MFSD1: variants seen among roughly 807,000 people sequenced by gnomAD.
MFSD1 encodes lysosomal dipeptide transporter MFSD1.
MFSD1 carries 59 observed loss-of-function variants against 67.1 expected under a neutral mutation model. The observed-to-expected ratio is 0.88, with a 90% CI of 0.71 to 1.09. MFSD1 has a LOEUF of 1.09. Ranked by LOEUF, MFSD1 falls within the 50% of genes least tolerant of loss-of-function variation. The pLI is 0.00. For synonymous variants in MFSD1, 213 were observed against 200.3 expected (o/e 1.06, Z -0.54); for missense variants, 552 against 566.1 (o/e 0.97, Z 0.25).
rs1245996665 is a variant in MFSD1 at position 158,819,632 on chromosome 3, T to C, written c.653-17T>C. On this transcript the variant is annotated splice_polypyrimidine_tract_variant and intron_variant, in intron 7 of 15. Transcript: ENST00000415822. Reference sequence around the variant, plus strand: ...CTTTTCAAAGTCTGTTTTTCTTTTTTTTTTTTTTTTATTTAGGGGGTATAA... The same window carrying C: ...CTTTTCAAAGTCTGTTTTTCTTTTTCTTTTTTTTTTATTTAGGGGGTATAA... The C allele has an allele frequency of 8.5e-5, 70 of 820,008 alleles. No homozygotes were observed. Among genetic ancestry groups the C allele is most frequent in the South Asian group, 2.5e-4 (12 of 47,812 alleles). 50.8% of individuals were successfully genotyped at this position (820,008 alleles called of 1,614,324 possible).
At chr3:158,816,105 A>G (rs1730325430) in intron 7 of MFSD1, among the ~76,000 whole-genome samples, 1 of 152,028 alleles carries the variant, frequency 6.6e-6, no homozygotes, top group South Asian at 2.1e-4. Context: ...ATAGTGCCGC[A>G]ATAAACATAC....
intron 4 of MFSD1, 90 bp from the exon 5 acceptor site, chr3:158,807,306 A>T: frequency 9.4e-7 from 1 of 1,068,378 alleles, no homozygotes. Context: ...AAACTATTGT[A>T]GAAGTTGAGA....
At position 158,829,002 on chromosome 3, in the gene MFSD1, C is replaced by A; in HGVS notation, c.*20C>A. 1.2e-6 allele frequency: 2 copies of A among 1,603,548 alleles called. No homozygotes were observed. The highest frequency in any genetic ancestry group is 2.3e-5 in the South Asian group (2 of 88,726). ...AGATGAGAAGTTAAAATGAATGTGT[C>A]ATGAGAATGGGCTTAACACATCGTT... is the stretch of plus-strand genomic sequence containing the variant. On this transcript the variant is annotated 3_prime_UTR_variant, in exon 16 of 16. Transcript: ENST00000415822.
chr3:158,827,581 ATTT>A (rs544766162), intron 15 of MFSD1, among the ~76,000 whole-genome samples: 64 of 151,858 alleles, frequency 4.2e-4, no homozygotes, highest in Middle Eastern at 6.8e-3. Flanking sequence ...TGTCTGGCTA[ATTT>A]TTTGTATTTT....
chr3:158,825,390 C>T (rs927890311), intron 13 of MFSD1: 1 of 152,204 alleles, frequency 6.6e-6, no homozygotes, highest in Non-Finnish European at 1.5e-5. Flanking sequence ...GAACTCCTGG[C>T]CTCAAGCGCT....
At chr3:158,814,132 A>G in intron 7 of MFSD1, 65 bp downstream of exon 7, 2 of 1,237,808 alleles carry the variant, frequency 1.6e-6, no homozygotes, top group Non-Finnish European at 2.4e-6. Flanking sequence ...GTATCATAGC[A>G]GGGAGGAAGG....
Position 158,803,124 on chromosome 3 carries a change from C to T in MFSD1, c.163+809C>T, listed in dbSNP as rs143202937. 2.0e-5 allele frequency among the ~76,000 whole-genome samples: 3 copies of T among 152,138 alleles called. No homozygotes were observed. The East Asian group carries it at 5.8e-4, about 29-fold the overall frequency. Reference sequence around the variant, plus strand: ...TTTCTCTTATGAAATCTGATGTCTCCGAAAACAGTTTCTTGATAATTAGAA... The same window carrying T: ...TTTCTCTTATGAAATCTGATGTCTCTGAAAACAGTTTCTTGATAATTAGAA... On this transcript the variant is annotated intron_variant, in intron 1 of 15. Transcript: ENST00000415822.
At chr3:158,806,404 T>C (rs1729729950) in intron 3 of MFSD1, among the ~76,000 whole-genome samples, 1 of 152,180 alleles carries the variant, frequency 6.6e-6, no homozygotes, top group South Asian at 2.1e-4. Flanking sequence ...GAACATTCAG[T>C]AGAACATGGC....
intron 2 of MFSD1, among the ~76,000 whole-genome samples, chr3:158,804,623 C>T (rs924954476): frequency 5.3e-5 from 8 of 152,190 alleles, no homozygotes; most frequent in Admixed American, 4.6e-4. Flanking sequence ...GGTATTTCCA[C>T]AGTATTGTCA....
chr3:158,819,768 G>A lies in MFSD1; in HGVS notation c.751+21G>A, dbSNP rs373008727. 4.4e-6 allele frequency: 6 copies of A among 1,353,812 alleles called. No individual in the cohort carries two copies. The African/African-American group carries it at 7.3e-5, about 16-fold the overall frequency. 83.9% of individuals were successfully genotyped at this position (1,353,812 alleles called of 1,614,324 possible). On this transcript the variant is annotated intron_variant, in intron 8 of 15. Transcript: ENST00000415822. The stretch of plus-strand genomic sequence containing the variant: ...AACAGGTAAGTCTAAATGAAAGAAT[G>A]GGACTTAGGGGAATTACGGCCTTTG...
intron 13 of MFSD1, chr3:158,825,165 A>G (rs1730899721): frequency 6.6e-6 from 1 of 152,000 alleles, no homozygotes; most frequent in Admixed American, 6.6e-5. Flanking sequence ...TTTTATTATT[A>G]TTACTTTTTT....
chr3:158,825,929 C>T, intron 13 of MFSD1, 86 bp from the exon 14 acceptor site: 1 of 1,044,188 alleles, frequency 9.6e-7, no homozygotes, highest in Non-Finnish European at 1.5e-6. Context: ...TTGATTGTGT[C>T]TAAGCTTTGC....
intron 15 of MFSD1, among the ~76,000 whole-genome samples, chr3:158,827,651 A>G (rs554405504): frequency 3.2e-4 from 48 of 152,016 alleles, no homozygotes; most frequent in African/African-American, 1.1e-3. Flanking sequence ...CCTGGGCTCA[A>G]GTGATCTGCC....
intron 12 of MFSD1, 146 bp downstream of exon 12, chr3:158,823,671 A>G: frequency 1.4e-6 from 1 of 699,774 alleles, no homozygotes; most frequent in Non-Finnish European, 2.5e-6. Flanking sequence ...CAGTAAATCT[A>G]TTTAAGATAC....
chr3:158,818,335 G>C (rs993365557), intron 7 of MFSD1, among the ~76,000 whole-genome samples: 1 of 151,958 alleles, frequency 6.6e-6, no homozygotes, highest in African/African-American at 2.4e-5. Context: ...CACCTCATGC[G>C]TCTATCACTT....
At position 158,819,657 on chromosome 3, in the gene MFSD1, A is replaced by G. The variant is rs1413628594; in HGVS notation, c.661A>G (p.Thr221Ala). The change falls in exon 8 of 16, where the codon ACG becomes GCG. Residue 221 changes from threonine (T) to alanine (A), a missense_variant. Physicochemically the swap from Thr to Ala is moderately conservative, Grantham distance 58. Coordinates refer to ENST00000415822, the MANE Select transcript of MFSD1 (RefSeq NM_022736.4). ...TTTTTTTTTTTATTTAGGGGGTATA[A>G]CGTGTATTCTTTCACTAATCTGTGC... ...LGITLMIGGI[T>A]CILSLICALA... is the part of the protein sequence containing the mutation. The G allele has an allele frequency of 1.3e-6, 2 of 1,538,736 alleles. No homozygotes were observed. Among genetic ancestry groups the G allele is most frequent in the South Asian group, 1.2e-5 (1 of 86,024 alleles).
In MFSD1 at chr3:158,829,171, G is replaced by T. The variant is rs191841016; in HGVS notation, c.*189G>T. 2.4e-5 allele frequency: 10 copies of T among 415,196 alleles called. No individual in the cohort carries two copies. The highest frequency in any genetic ancestry group is 4.1e-5 in the African/African-American group (2 of 48,704). The allele number at this position is 415,196 out of a possible 1,614,324, so 25.7% of individuals were successfully genotyped here. On this transcript the variant is annotated 3_prime_UTR_variant, in exon 16 of 16. Coordinates refer to ENST00000415822, the MANE Select transcript of MFSD1 (RefSeq NM_022736.4). ...TTAGCCTGTGTCTTTTGTATTGTGTGTTGCTAAAGAATTCTACTTTTAGTA... is the reference window on the plus strand; with the variant it reads ...TTAGCCTGTGTCTTTTGTATTGTGTTTTGCTAAAGAATTCTACTTTTAGTA...
Position 158,823,501 on chromosome 3 carries a change from A to G in MFSD1, c.1151A>G (p.His384Arg), listed in dbSNP as rs1269166752. The change falls in exon 12 of 16, where the codon CAT becomes CGT. Residue 384 changes from histidine (H) to arginine (R), a missense_variant. Coordinates refer to ENST00000415822, the MANE Select transcript of MFSD1 (RefSeq NM_022736.4). The part of the protein sequence containing the change: ...WPMVAFVVPE[H>R]QLGTAYGFMQ... ...ATGGTGGCATTTGTAGTTCCTGAAC[A>G]TCAGCTGGGAACTGCATATGGCTTG... 6.2e-7 allele frequency: 1 copy of G among 1,612,662 alleles called. No homozygotes were observed. The highest frequency in any genetic ancestry group is 1.7e-5 in the Admixed American group (1 of 59,996).
intron 5 of MFSD1, 96 bp downstream of exon 5, chr3:158,807,559 A>C (rs1729792171): frequency 2.0e-6 from 2 of 999,170 alleles, no homozygotes; most frequent in African/African-American, 3.2e-5. Context: ...CTGGGGAATT[A>C]CTTCAAATCT....
Sources: gnomAD v4.1 joint callset for allele counts (sites outside exome capture counted in the v4.1 genomes callset) on GRCh38, gnomAD v4.1.1 for gene constraint, MANE v1.5 for transcripts, NCBI Gene and HGNC (gene_info 2026-07-23, HGNC 2026-07-21) for gene names.